SEPTIN11: variants seen among roughly 807,000 people sequenced by gnomAD.
The protein encoded by SEPTIN11 is septin 11.
Under a neutral mutation model 51.4 loss-of-function variants are expected in SEPTIN11, and 25 were observed. The ratio of observed to expected loss-of-function variants is 0.49; its 90% CI spans 0.35 to 0.68. The LOEUF (loss-of-function observed/expected upper bound fraction) is 0.68, where lower values mean the gene tolerates loss of function less well. Ranked by LOEUF, SEPTIN11 falls within the 30% of genes least tolerant of loss-of-function variation. SEPTIN11 has a pLI of 0.00. For synonymous variants in SEPTIN11, 174 were observed against 184.1 expected (o/e 0.95, Z 0.44); for missense variants, 381 against 520.8 (o/e 0.73, Z 2.61).
At chr4:77,023,231 C>A (rs1378516677) in intron 7 of SEPTIN11, among the ~76,000 whole-genome samples, 6 of 149,392 alleles carry the variant, frequency 4.0e-5, no homozygotes, top group Admixed American at 2.0e-4. Context: ...TTTCCCCTGG[C>A]CTGAGTTTTG....
At chr4:77,027,192 A>ATG (rs1726221956) in intron 7 of SEPTIN11, among the ~76,000 whole-genome samples, 1 of 152,138 alleles carries the variant, frequency 6.6e-6, no homozygotes, top group African/African-American at 2.4e-5. Context: ...CTGGAGTGCA[A>ATG]TGGCATGGTC....
At chr4:77,016,635 T>TATATATATATATATACAC (rs1578188178) in intron 5 of SEPTIN11, among the ~76,000 whole-genome samples, 1 of 54,958 alleles carries the variant, frequency 1.8e-5, no homozygotes, top group East Asian at 7.1e-4. Context: ...TATATACACA[T>TATATATATATATATACAC]ATATATATAT....
At chr4:76,972,825 G>C (rs57021946) in intron 1 of SEPTIN11, among the ~76,000 whole-genome samples, 2,331 of 152,240 alleles carry the variant, frequency 0.015, 54 homozygotes, top group African/African-American at 0.053. Context: ...CATTCTGCTA[G>C]GCACTGTGTC....
chr4:76,958,220 T>A (rs1721648189), intron 1 of SEPTIN11, among the ~76,000 whole-genome samples: 1 of 152,240 alleles, frequency 6.6e-6, no homozygotes, highest in South Asian at 2.1e-4. Context: ...CCCAGGCTTC[T>A]CTGCCATCGC....
In SEPTIN11 at chr4:76,996,688, T is replaced by C. The variant is rs1156280055; in HGVS notation, c.142+149T>C. 3 of 613,956 alleles carry C rather than the reference T, an allele frequency of 4.9e-6. No individual in the cohort carries two copies. In the Admixed American group the frequency reaches 8.7e-5, roughly 18 times the overall value. The allele number at this position is 613,956 out of a possible 1,614,324, so 38.0% of individuals were successfully genotyped here. On this transcript the variant is annotated intron_variant, in intron 2 of 9. Transcript: ENST00000264893. ...CAAGGCAAAATATCTGCCTTATACA[T>C]GTCACAAGTTATAAAGATTGAGAGC...
rs570788839 is a variant in SEPTIN11 at position 77,017,786 on chromosome 4, T to G, written c.688-1379T>G. On this transcript the variant is annotated intron_variant, in intron 5 of 9. Transcript: ENST00000264893. ...TATTTCAAATCTTATTCTTACATGC[T>G]AATAGAAAAAAGATAGGATTATTAT... Among the ~76,000 whole-genome samples the G allele has an allele frequency of 3.3e-5, 5 of 152,296 alleles. No homozygotes were observed. The South Asian group carries it at 1.0e-3, about 32-fold the overall frequency.
chr4:77,039,744 T>C (rs1727259650), downstream of SEPTIN11: 1 of 985,142 alleles, frequency 1.0e-6, no homozygotes, highest in African/African-American at 1.7e-5. Flanking sequence ...ATTTTTCAGC[T>C]GACCATCTGC....
intron 1 of SEPTIN11, among the ~76,000 whole-genome samples, chr4:76,991,266 T>C (rs1263572066): frequency 6.6e-6 from 1 of 152,206 alleles, no homozygotes; most frequent in Non-Finnish European, 1.5e-5. Context: ...AGGAGATATG[T>C]ATGAGAGAGC....
intron 1 of SEPTIN11, among the ~76,000 whole-genome samples, chr4:76,980,100 TAAGA>T (rs982495708): frequency 1.2e-4 from 19 of 152,178 alleles, no homozygotes; most frequent in Non-Finnish European, 4.4e-5. Context: ...GTTCTGTGGA[TAAGA>T]AAGTGGTAGA....
chr4:76,965,697 A>G (rs1472020290), intron 1 of SEPTIN11, among the ~76,000 whole-genome samples: 3 of 152,174 alleles, frequency 2.0e-5, no homozygotes, highest in Non-Finnish European at 4.4e-5. Flanking sequence ...TTAAAAGTGC[A>G]GTTTTCCTCA....
chr4:77,030,732 T>A lies in SEPTIN11; in HGVS notation c.1087-51T>A. ...TTGAACAGATCCAAAGAACTTTACATCAAAAGGATTTTCATTCCATTCACC... is the reference window on the plus strand; with the variant it reads ...TTGAACAGATCCAAAGAACTTTACAACAAAAGGATTTTCATTCCATTCACC... On this transcript the variant is annotated intron_variant, in intron 8 of 9. Coordinates refer to ENST00000264893, the MANE Select transcript of SEPTIN11 (RefSeq NM_018243.4). The A allele has an allele frequency of 1.3e-6, 2 of 1,522,286 alleles. 1 individual carries two copies. The highest frequency in any genetic ancestry group is 1.8e-6 in the Non-Finnish European group (2 of 1,134,154). The allele number at this position is 1,522,286 out of a possible 1,614,324, so 94.3% of individuals were successfully genotyped here. A position where few individuals can be genotyped will look rare whatever the true frequency, so the allele number is the denominator to read the frequency against.
In SEPTIN11 at chr4:77,019,855, T is replaced by C. The variant is rs1578193914; in HGVS notation, c.784+594T>C. Among the ~76,000 whole-genome samples, 3 of 152,360 alleles carry C rather than the reference T, an allele frequency of 2.0e-5. No homozygotes were observed. The South Asian group carries it at 6.2e-4, about 32-fold the overall frequency. On this transcript the variant is annotated intron_variant, in intron 6 of 9. Transcript: ENST00000264893. ...TAAGCAGGATGGCTAAAGAAAGTTCTTCGCTGGTTTAAGATGTATCAGACC... is the reference window on the plus strand; with the variant it reads ...TAAGCAGGATGGCTAAAGAAAGTTCCTCGCTGGTTTAAGATGTATCAGACC...
intron 2 of SEPTIN11, among the ~76,000 whole-genome samples, chr4:77,004,443 C>G (rs1025247084): frequency 2.6e-5 from 4 of 152,160 alleles, no homozygotes; most frequent in African/African-American, 9.7e-5. Context: ...ATAACCATAA[C>G]TGGAAAATGT....
chr4:76,991,536 C>T (rs2109929109), intron 1 of SEPTIN11, among the ~76,000 whole-genome samples: 1 of 152,244 alleles, frequency 6.6e-6, no homozygotes, highest in Admixed American at 6.5e-5. Flanking sequence ...ACCAGTTATA[C>T]ACTTCAGGTA....
rs566146977 is a variant in SEPTIN11 at position 77,016,810 on chromosome 4, A to T, written c.687+1793A>T. Among the ~76,000 whole-genome samples, 16 of 146,996 alleles carry T rather than the reference A, an allele frequency of 1.1e-4. 1 individual carries two copies. The highest frequency in any genetic ancestry group is 4.3e-4 in the South Asian group (2 of 4,612). ...ATAAAAAATAAATTCTACAAAAAAA[A>T]TTTTTTTAAATAGAGTATAATAACT... On this transcript the variant is annotated intron_variant, in intron 5 of 9. Transcript: ENST00000264893.
chr4:77,020,280 A>G (rs1045445306), intron 6 of SEPTIN11, among the ~76,000 whole-genome samples: 1 of 152,204 alleles, frequency 6.6e-6, no homozygotes, highest in African/African-American at 2.4e-5. Flanking sequence ...TGTGCTGAGT[A>G]GGCACTCAGC....
chr4:76,987,873 A>T, intron 1 of SEPTIN11: 1 of 963,102 alleles, frequency 1.0e-6, no homozygotes, highest in Non-Finnish European at 1.2e-6. Context: ...ATGAAGGGGT[A>T]TGTACTTCTT....
chr4:76,990,065 C>T (rs28495028), intron 1 of SEPTIN11, among the ~76,000 whole-genome samples: 61,223 of 151,818 alleles, frequency 0.4, 12,472 homozygotes, highest in Non-Finnish European at 0.43. Flanking sequence ...AGCGGGTTGC[C>T]GCTGCTGGCT....
chr4:77,013,281 G>C (rs1029535531), intron 4 of SEPTIN11, among the ~76,000 whole-genome samples: 1 of 152,204 alleles, frequency 6.6e-6, no homozygotes, highest in Non-Finnish European at 1.5e-5. Context: ...AAGTGATATT[G>C]TTGGAGAGTT....
Sources: allele counts gnomAD v4.1 joint callset (sites outside exome capture counted in the v4.1 genomes callset), GRCh38; gene constraint gnomAD v4.1.1; transcripts MANE v1.5; gene names NCBI Gene and HGNC (gene_info 2026-07-23, HGNC 2026-07-21).